The following KALRN variants were observed in gnomAD, a reference collection of about 807,000 sequenced individuals.
KALRN encodes the protein kalirin RhoGEF kinase.
A neutral mutation model predicts 353.7 loss-of-function variants in KALRN; 70 were observed. The observed-to-expected ratio is 0.20, with a 90% CI of 0.16 to 0.24. The LOEUF (loss-of-function observed/expected upper bound fraction) is 0.24. Among genes scored for constraint, KALRN ranks in the 10% least tolerant of loss-of-function variants. The pLI is 1.00. For missense variants in KALRN, 2,791 were observed against 3,756.7 expected (o/e 0.74, Z 6.72); for synonymous variants, 1,391 against 1,434.8 (o/e 0.97, Z 0.69).
chr3:124,690,798 G>A (rs539202437), intron 51 of KALRN, among the ~76,000 whole-genome samples: 5 of 152,254 alleles, frequency 3.3e-5, no homozygotes, highest in South Asian at 2.1e-4. Context: ...CAAGTAATCC[G>A]CCCGCCTGGG....
Position 124,346,676 on chromosome 3 carries a change from G to C in KALRN, c.1648-467G>C, listed in dbSNP as rs545625888. On this transcript the variant is annotated intron_variant, in intron 9 of 59. Coordinates refer to ENST00000682506, the MANE Select transcript of KALRN (RefSeq NM_001388419.1). ...AAGATTAGGAAGGGGAGTCCCCGGAGCACAATGAGGCAGGATCCCCATGAC... is the reference window on the plus strand; with the variant it reads ...AAGATTAGGAAGGGGAGTCCCCGGACCACAATGAGGCAGGATCCCCATGAC... 1.1e-4 allele frequency among the ~76,000 whole-genome samples: 16 copies of C among 152,260 alleles called. No individual in the cohort carries two copies. The South Asian group carries it at 3.3e-3, about 32-fold the overall frequency.
Position 124,116,937 on chromosome 3 carries a change from C to T in KALRN, c.73+83124C>T, listed in dbSNP as rs4558691. Among the ~76,000 whole-genome samples the T allele has an allele frequency of 0.03, 4,552 of 152,284 alleles. 439 individuals are homozygous for T. The East Asian group carries it at 0.34, about 11-fold the overall frequency. On this transcript the variant is annotated intron_variant, in intron 1 of 59. Coordinates refer to ENST00000682506, the MANE Select transcript of KALRN (RefSeq NM_001388419.1). ...CCTGGAGGCAGAGTCAGATGTTGGA[C>T]TGTTCAGTAACATCTTGGAATCTCC...
chr3:124,507,047 A>G (rs2065308713), intron 33 of KALRN, among the ~76,000 whole-genome samples: 1 of 152,202 alleles, frequency 6.6e-6, no homozygotes, highest in Non-Finnish European at 1.5e-5. Flanking sequence ...GATAGCCTGA[A>G]TATGCCCAAT....
At chr3:124,048,242 T>C (rs2040693680) in intron 1 of KALRN, among the ~76,000 whole-genome samples, 2 of 152,210 alleles carry the variant, frequency 1.3e-5, no homozygotes, top group Non-Finnish European at 2.9e-5. Flanking sequence ...TAAAAATATT[T>C]ACACAAAACA....
intron 34 of KALRN, among the ~76,000 whole-genome samples, chr3:124,564,197 TCC>T (rs2072466066): frequency 1.5e-5 from 1 of 67,310 alleles, no homozygotes; most frequent in Non-Finnish European, 2.5e-5. Flanking sequence ...AGAGCGAAAC[TCC>T]GTCTCAAAAA....
At chr3:124,661,742 A>G in intron 44 of KALRN, 109 bp from the exon 45 acceptor site, 1 of 849,910 alleles carries the variant, frequency 1.2e-6, no homozygotes, top group Non-Finnish European at 2.0e-6. Context: ...CCTTCCTAGA[A>G]TAAAGGAGCC....
intron 8 of KALRN, among the ~76,000 whole-genome samples, chr3:124,333,526 G>T (rs1560591660): frequency 6.6e-6 from 1 of 152,166 alleles, no homozygotes; most frequent in Non-Finnish European, 1.5e-5. Context: ...GAGGATTATG[G>T]TGGGAACTTA....
At chr3:124,317,084 C>T (rs924383753) in intron 6 of KALRN, among the ~76,000 whole-genome samples, 2 of 152,282 alleles carry the variant, frequency 1.3e-5, no homozygotes, top group African/African-American at 4.8e-5. Context: ...CTAGGCTATT[C>T]TGGAAAATCC....
chr3:124,288,687 G>A (rs372734379), intron 5 of KALRN, among the ~76,000 whole-genome samples: 1 of 152,110 alleles, frequency 6.6e-6, no homozygotes, highest in Non-Finnish European at 1.5e-5. Flanking sequence ...GATGGGGTCC[G>A]ATGGCTTAGT....
intron 55 of KALRN, among the ~76,000 whole-genome samples, chr3:124,699,543 T>C (rs889334672): frequency 6.6e-6 from 1 of 152,264 alleles, no homozygotes; most frequent in African/African-American, 2.4e-5. Context: ...ACTAAAAATA[T>C]ACTCTTCTGG....
chr3:124,460,992 A>T (rs187387383), intron 23 of KALRN, among the ~76,000 whole-genome samples: 2 of 152,332 alleles, frequency 1.3e-5, no homozygotes, highest in East Asian at 1.9e-4. Context: ...TTTTCTACAC[A>T]TCCGTTTATG....
Position 124,632,452 on chromosome 3 carries a change from G to C in KALRN, c.5215G>C (p.Gly1739Arg). The C allele has an allele frequency of 6.2e-7, 1 of 1,613,910 alleles. No individual in the cohort carries two copies. The highest frequency in any genetic ancestry group is 1.1e-5 in the South Asian group (1 of 91,062). The change falls in exon 35 of 60, where the codon GGC (glycine) becomes CGC (arginine). Residue 1739 changes from glycine (G) to arginine (R), a missense_variant. Gly to Arg is a moderately radical substitution (Grantham distance 125). Coordinates refer to ENST00000682506, the MANE Select transcript of KALRN (RefSeq NM_001388419.1). Reference sequence around the variant, plus strand: ...CTCTCATTCCTCAAGCGAGAATGGAGGCAAGTCCGAGTCCGTGGCCAACCT... The same window carrying C: ...CTCTCATTCCTCAAGCGAGAATGGACGCAAGTCCGAGTCCGTGGCCAACCT... ...AYSHSSSENG[G>R]KSESVANLQA...
chr3:124,677,385 C>G (rs1039637351), intron 49 of KALRN: 2 of 326,356 alleles, frequency 6.1e-6, no homozygotes, highest in Non-Finnish European at 1.2e-5. Flanking sequence ...CTTCATAGGT[C>G]TGTGAAGAAG....
chr3:124,563,054 G>A lies in KALRN; in HGVS notation c.5147G>A (p.Ser1716Asn), dbSNP rs1327700759. Reference protein sequence around the residue: ...SALCISHSRSSVEMDCFFPLV... With the variant: ...SALCISHSRSNVEMDCFFPLV... ...CTGTGCATCTCACACTCCCGAAGCA[G>A]CGTGGAGATGGACTGCTTCTTCCCC... The change falls in exon 34 of 60, where the codon AGC becomes AAC. Residue 1716 changes from serine to asparagine, a missense_variant. Ser to Asn is a conservative substitution (Grantham distance 46). Around this residue, in one of 11 missense-constraint regions of KALRN, gnomAD observed 239 missense variants for 351.3 expected, o/e 0.68. Transcript: ENST00000682506. The A allele has an allele frequency of 7.3e-7, 1 of 1,367,872 alleles. No homozygotes were observed. The highest frequency in any genetic ancestry group is 1.1e-5 in the South Asian group (1 of 88,056). The allele number at this position is 1,367,872 out of a possible 1,614,324, so 84.7% of individuals were successfully genotyped here.
chr3:124,299,841 G>A (rs1047313260), intron 6 of KALRN, among the ~76,000 whole-genome samples: 1 of 152,058 alleles, frequency 6.6e-6, no homozygotes, highest in East Asian at 1.9e-4. Flanking sequence ...TTCCTGCGTG[G>A]CTACCCCAAG....
At chr3:124,538,015 G>A (rs1199441701) in intron 33 of KALRN, among the ~76,000 whole-genome samples, 2 of 152,238 alleles carry the variant, frequency 1.3e-5, no homozygotes, top group Non-Finnish European at 2.9e-5. Context: ...GAGAAACGTC[G>A]AAGTCCCCAC....
At chr3:124,673,258 G>T (rs546069587) in intron 48 of KALRN, among the ~76,000 whole-genome samples, 1 of 151,620 alleles carries the variant, frequency 6.6e-6, no homozygotes, top group South Asian at 2.1e-4. Context: ...AGCCAGGCAC[G>T]GTAGCATGCA....
chr3:124,271,110 C>T (rs1418294945), intron 5 of KALRN, among the ~76,000 whole-genome samples: 3 of 152,290 alleles, frequency 2.0e-5, no homozygotes, highest in South Asian at 2.1e-4. Flanking sequence ...AGATTACAGG[C>T]GTGAGCCACC....
intron 51 of KALRN, 21 bp from the exon 52 acceptor site, chr3:124,693,783 C>A (rs371207446): frequency 1.5e-5 from 23 of 1,509,216 alleles, no homozygotes; most frequent in Non-Finnish European, 2.1e-5. Flanking sequence ...AAGCAATTTT[C>A]TGTGTCTTTT....
Sources: gnomAD v4.1 joint callset for allele counts (sites outside exome capture counted in the v4.1 genomes callset) on GRCh38, gnomAD v4.1.1 for gene constraint, gnomAD v4.1.1 regional missense constraint, MANE v1.5 for transcripts, NCBI Gene and HGNC (gene_info 2026-07-23, HGNC 2026-07-21) for gene names.